Variants in SGCG observed in about 807,000 individuals in gnomAD.
SGCG encodes the protein gamma-sarcoglycan.
A neutral mutation model predicts 29.3 loss-of-function variants in SGCG; 26 were observed. The ratio of observed to expected loss-of-function variants is 0.89; its 90% CI spans 0.65 to 1.23. The LOEUF (loss-of-function observed/expected upper bound fraction) is 1.23. Among genes scored for constraint, SGCG ranks in the 50% most tolerant of loss-of-function variants. The pLI is 0.00. For missense variants in SGCG, 353 were observed against 356.0 expected (o/e 0.99, Z 0.07); for synonymous variants, 145 against 129.7 (o/e 1.12, Z -0.80).
chr13:23,250,791 T>C (rs1406239331), intron 4 of SGCG, 74 bp downstream of exon 4: 1 of 891,104 alleles, frequency 1.1e-6, no homozygotes, highest in Non-Finnish European at 1.9e-6. Flanking sequence ...CATTGTTTTT[T>C]CTTCTAAAGA....
chr13:23,265,273 A>G (rs935289502), intron 4 of SGCG, among the ~76,000 whole-genome samples: 6 of 152,168 alleles, frequency 3.9e-5, no homozygotes, highest in Non-Finnish European at 7.3e-5. Flanking sequence ...AAAATGAATA[A>G]TATCATTAAA....
At chr13:23,167,032 A>G in the SGCG span, among the ~76,000 whole-genome samples, 1 of 152,168 alleles carries the variant, frequency 6.6e-6, no homozygotes, top group Admixed American at 6.5e-5. Flanking sequence ...CCATTATCCA[A>G]ACCCCTGCCC....
At chr13:23,299,662 C>G (rs1013756103) in intron 6 of SGCG, among the ~76,000 whole-genome samples, 2 of 150,970 alleles carry the variant, frequency 1.3e-5, no homozygotes, top group East Asian at 3.9e-4. Flanking sequence ...CTGTGTTAGC[C>G]AGGATGGTCT....
At chr13:23,309,891 C>A (rs986128964) in intron 6 of SGCG, among the ~76,000 whole-genome samples, 3 of 151,948 alleles carry the variant, frequency 2.0e-5, no homozygotes, top group Non-Finnish European at 4.4e-5. Flanking sequence ...TGTTTCCTTG[C>A]TAGAAATTTT....
At chr13:23,301,658 G>A (rs1389621522) in intron 6 of SGCG, among the ~76,000 whole-genome samples, 7 of 152,130 alleles carry the variant, frequency 4.6e-5, no homozygotes, top group African/African-American at 7.2e-5. Flanking sequence ...AGGCCGAGGC[G>A]GGTGGATTAC....
intron 3 of SGCG, chr13:23,245,780 A>G (rs2018051): frequency 0.14 from 21,850 of 152,180 alleles, 1,883 homozygotes; most frequent in African/African-American, 0.23. Flanking sequence ...CCGGAAGACT[A>G]GAGCTCCCAT....
At chr13:23,289,406 C>G (rs1360157072) in intron 5 of SGCG, among the ~76,000 whole-genome samples, 1 of 152,194 alleles carries the variant, frequency 6.6e-6, no homozygotes, top group East Asian at 1.9e-4. Flanking sequence ...GTTGATATTT[C>G]CCTTTTGGGT....
chr13:23,220,123 G>A (rs1010913662), intron 2 of SGCG, among the ~76,000 whole-genome samples: 1 of 151,896 alleles, frequency 6.6e-6, no homozygotes, highest in South Asian at 2.1e-4. Context: ...TTACAGGGCT[G>A]AGCTACCGCG....
intron 4 of SGCG, among the ~76,000 whole-genome samples, chr13:23,256,190 G>A (rs1880168942): frequency 6.6e-6 from 1 of 152,134 alleles, no homozygotes; most frequent in Admixed American, 6.5e-5. Context: ...TTACCCAAAT[G>A]AGAAGGAACC....
At chr13:23,185,051 A>T (rs1399851389) in intron 1 of SGCG, among the ~76,000 whole-genome samples, 2 of 152,192 alleles carry the variant, frequency 1.3e-5, no homozygotes, top group African/African-American at 4.8e-5. Context: ...GAAGTGTTTA[A>T]GGTTGTGGTT....
At chr13:23,191,572 C>T (rs956897621) in intron 1 of SGCG, among the ~76,000 whole-genome samples, 5 of 130,826 alleles carry the variant, frequency 3.8e-5, no homozygotes, top group South Asian at 5.3e-4. Context: ...AGGAGAAGCC[C>T]GCCATTTGAG....
chr13:23,299,495 C>T (rs1882064979), intron 6 of SGCG, among the ~76,000 whole-genome samples: 1 of 120,868 alleles, frequency 8.3e-6, no homozygotes, highest in Non-Finnish European at 1.6e-5. Context: ...ACTCTGTCCC[C>T]AGGCTGGGGT....
intron 2 of SGCG, among the ~76,000 whole-genome samples, chr13:23,223,105 T>C (rs181638403): frequency 0.02 from 2,991 of 152,026 alleles, 54 homozygotes; most frequent in Middle Eastern, 0.065. Context: ...GGTGAAACCC[T>C]GTCTCTATTA....
At chr13:23,260,988 C>T (rs1049628393) in intron 4 of SGCG, among the ~76,000 whole-genome samples, 3 of 152,034 alleles carry the variant, frequency 2.0e-5, no homozygotes, top group Non-Finnish European at 4.4e-5. Flanking sequence ...TCATTTCAAC[C>T]TTGGTGAATC....
At chr13:23,171,076 T>C in the SGCG span, among the ~76,000 whole-genome samples, 1 of 152,206 alleles carries the variant, frequency 6.6e-6, no homozygotes, top group Admixed American at 6.5e-5. Context: ...CACCATTAAG[T>C]CAAAATGTCT....
At chr13:23,280,638 A>G (rs1270153282) in intron 5 of SGCG, among the ~76,000 whole-genome samples, 1 of 152,246 alleles carries the variant, frequency 6.6e-6, no homozygotes. Context: ...GGCTGGGTAG[A>G]CTTGGATTCC....
intron 4 of SGCG, among the ~76,000 whole-genome samples, chr13:23,264,031 A>T (rs760152110): frequency 5.3e-4 from 80 of 152,276 alleles, no homozygotes; most frequent in Non-Finnish European, 8.2e-4. Flanking sequence ...CAAGACGAGG[A>T]TGCCCATTTT....
intron 4 of SGCG, among the ~76,000 whole-genome samples, chr13:23,263,219 T>A (rs556671370): frequency 1.1e-4 from 17 of 151,886 alleles, no homozygotes; most frequent in Admixed American, 6.6e-4. Flanking sequence ...AAATATTTTT[T>A]AAAATCATTA....
chr13:23,184,762 C>T (rs143641389), intron 1 of SGCG, among the ~76,000 whole-genome samples: 7 of 152,286 alleles, frequency 4.6e-5, no homozygotes, highest in Admixed American at 3.9e-4. Flanking sequence ...CTAACCTAGC[C>T]GGCTTCCCTC....
Sources: allele counts gnomAD v4.1 joint callset (sites outside exome capture counted in the v4.1 genomes callset), GRCh38; gene constraint gnomAD v4.1.1; transcripts MANE v1.5; gene names NCBI Gene and HGNC (gene_info 2026-07-23, HGNC 2026-07-21).